The following IDI1 variants were observed in gnomAD, a reference collection of about 807,000 sequenced individuals.
IDI1 encodes the protein isopentenyl-diphosphate Delta-isomerase 1.
A neutral mutation model predicts 32.9 loss-of-function variants in IDI1; 23 were observed. That is an observed-to-expected ratio of 0.70 (90% confidence interval 0.50 to 0.99). IDI1 has a LOEUF of 0.99. Among genes scored for constraint, IDI1 ranks in the 50% least tolerant of loss-of-function variants. IDI1 has a pLI of 0.00. For missense variants in IDI1, 326 were observed against 351.9 expected (o/e 0.93, Z 0.59); for synonymous variants, 133 against 128.2 (o/e 1.04, Z -0.25).
At chr10:1,043,885 C>G in intron 2 of IDI1, 114 bp downstream of exon 2, 1 of 879,378 alleles carries the variant, frequency 1.1e-6, no homozygotes. Context: ...CTGGAACCAA[C>G]GAGAAAATAC....
chr10:1,048,403 G>T, intron 1 of IDI1: 1 of 1,302,380 alleles, frequency 7.7e-7, no homozygotes, highest in Non-Finnish European at 1.0e-6. Context: ...TTGCACGGAC[G>T]CAGGTGTATG....
chr10:1,054,812 A>G, the IDI1 span, among the ~76,000 whole-genome samples: 1 of 152,226 alleles, frequency 6.6e-6, no homozygotes, highest in African/African-American at 2.4e-5. Flanking sequence ...TGTGGATATG[A>G]TTAGTTAACA....
intron 4 of IDI1, 91 bp downstream of exon 4, chr10:1,042,541 G>T: frequency 2.4e-6 from 3 of 1,253,086 alleles, no homozygotes; most frequent in Non-Finnish European, 3.5e-6. Context: ...ACCAAGCAGA[G>T]AACTACATTT....
In IDI1 at chr10:1,048,937, C is replaced by T; in HGVS notation, c.67G>A (p.Val23Met). The T allele has an allele frequency of 1.3e-6, 2 of 1,588,914 alleles. No homozygotes were observed. Among genetic ancestry groups the T allele is most frequent in the Non-Finnish European group, 1.7e-6 (2 of 1,170,686 alleles). Residue 23 changes from valine to methionine, a missense_variant, in exon 1 of 5, where the codon GTG becomes ATG. Transcript: ENST00000381344. ...CAARGRGQWA[V>M]RAADCAQSGR... is the part of the protein sequence containing the mutation. ...CTTTGAGCACAGTCTGCGGCGCGCACCGCCCACTGGCCCCGCCCCCGGGCC... is the reference window on the plus strand; with the variant it reads ...CTTTGAGCACAGTCTGCGGCGCGCATCGCCCACTGGCCCCGCCCCCGGGCC...
At chr10:1,056,154 A>G in the IDI1 span, among the ~76,000 whole-genome samples, 4 of 149,158 alleles carry the variant, frequency 2.7e-5, no homozygotes, top group African/African-American at 4.9e-5. Flanking sequence ...ACCTACACAG[A>G]AAAAAAAAAT....
the IDI1 span, among the ~76,000 whole-genome samples, chr10:1,056,235 A>C: frequency 6.6e-6 from 1 of 152,228 alleles, no homozygotes; most frequent in Non-Finnish European, 1.5e-5. Flanking sequence ...GAGCGTTGAG[A>C]CGGCTGTTTA....
chr10:1,042,634 C>T lies in IDI1; in HGVS notation c.535G>A (p.Glu179Lys). ...LKAELGIPLE[E>K]VPPEEINYLT... ...GGTTGTGTAGGAGAGCTGGTTACCT[C>T]TTCCAAGGGAATTCCTAGCTCAGCT... The change falls in exon 4 of 5, where the codon GAG (glutamate) becomes AAG (lysine). Residue 179 changes from glutamate to lysine, a missense_variant and splice_region_variant. Coordinates refer to ENST00000381344, the MANE Select transcript of IDI1 (RefSeq NM_004508.4). 1 of 1,613,898 alleles carries T rather than the reference C, an allele frequency of 6.2e-7. No homozygotes were observed. The highest frequency in any genetic ancestry group is 8.5e-7 in the Non-Finnish European group (1 of 1,179,904).
At position 1,041,179 on chromosome 10, in the gene IDI1, CTACA is replaced by C. The variant is rs1832567619; in HGVS notation, c.*4_*7del. 1 of 1,500,336 alleles carries C rather than the reference CTACA, an allele frequency of 6.7e-7. No individual in the cohort carries two copies. Among genetic ancestry groups the C allele is most frequent in the Admixed American group, 1.9e-5 (1 of 53,552 alleles). 92.9% of individuals were successfully genotyped at this position (1,500,336 alleles called of 1,614,324 possible). A position where few individuals can be genotyped will look rare whatever the true frequency, so the allele number is the denominator to read the frequency against. On this transcript the variant is annotated 3_prime_UTR_variant, in exon 5 of 5. Transcript: ENST00000381344. ...GATAAATTTTTCTGTAATCATTTAC[CTACA>C]TATTCACATTCTGTATATTTTCTCA...
chr10:1,041,439 C>T lies in IDI1; in HGVS notation c.603G>A (p.Trp201Ter). The T allele has an allele frequency of 6.2e-7, 1 of 1,610,456 alleles. No homozygotes were observed. The highest frequency in any genetic ancestry group is 8.5e-7 in the Non-Finnish European group (1 of 1,177,116). ...IHYKAQSDGI[W>*]GEHEIDYILL... ...AAATGTAATCAATTTCATGTTCACCCCAGATACCATCAGACTGAGCTTTGT... is the reference window on the plus strand; with the variant it reads ...AAATGTAATCAATTTCATGTTCACCTCAGATACCATCAGACTGAGCTTTGT... Residue 201 changes from tryptophan (W) to a stop codon, truncating the protein, a stop_gained, in exon 5 of 5, where the codon TGG (tryptophan) becomes TGA (stop). Coordinates refer to ENST00000381344, the MANE Select transcript of IDI1 (RefSeq NM_004508.4). LOFTEE classifies it high-confidence loss of function.
At chr10:1,054,311 CAT>C in the IDI1 span, among the ~76,000 whole-genome samples, 259 of 152,228 alleles carry the variant, frequency 1.7e-3, 2 homozygotes, top group African/African-American at 5.0e-3. Flanking sequence ...TATATACACA[CAT>C]ATATATAACT....
rs1832904552 is a variant in IDI1 at position 1,049,092 on chromosome 10, G to C, written c.-89C>G. 7.1e-7 allele frequency: 1 copy of C among 1,408,264 alleles called. No individual in the cohort carries two copies. Among genetic ancestry groups the C allele is most frequent in the Non-Finnish European group, 9.2e-7 (1 of 1,088,718 alleles). The allele number at this position is 1,408,264 out of a possible 1,614,324, so 87.2% of individuals were successfully genotyped here. The stretch of plus-strand genomic sequence containing the variant: ...TGCCACCTCCCTGGCCTGTGACAAC[G>C]GCAGACGCGCGAAGCACCGGGAACC... On this transcript the variant is annotated 5_prime_UTR_variant, in exon 1 of 5. Transcript: ENST00000381344.
intron 1 of IDI1, among the ~76,000 whole-genome samples, chr10:1,044,714 A>T (rs1832747243): frequency 6.6e-6 from 1 of 152,198 alleles, no homozygotes; most frequent in Admixed American, 6.5e-5. Context: ...GACTTAATCC[A>T]GTTTTTCTCA....
intron 1 of IDI1, among the ~76,000 whole-genome samples, chr10:1,046,198 G>A (rs10903356): frequency 0.99 from 151,152 of 152,332 alleles, 74,997 homozygotes; most frequent in Middle Eastern, 1. Context: ...TATCCACTGT[G>A]TACATACATG....
Position 1,048,847 on chromosome 10 carries a change from C to A in IDI1, c.140+17G>T, listed in dbSNP as rs1318889584. ...CCCTGCCCCTGTCTCCCGAACTCCG[C>A]CGCCCGTCCACAGTACCTGATCAGC... is the stretch of plus-strand genomic sequence containing the variant. On this transcript the variant is annotated intron_variant, in intron 1 of 4. Transcript: ENST00000381344. 1.9e-6 allele frequency: 3 copies of A among 1,603,550 alleles called. No homozygotes were observed. Among genetic ancestry groups the A allele is most frequent in the Non-Finnish European group, 2.6e-6 (3 of 1,176,448 alleles).
chr10:1,054,919 C>T, the IDI1 span, among the ~76,000 whole-genome samples: 1 of 152,218 alleles, frequency 6.6e-6, no homozygotes, highest in Non-Finnish European at 1.5e-5. Flanking sequence ...ACATGGAAAA[C>T]GTCATGTGAA....
Position 1,044,347 on chromosome 10 carries a change from C to T in IDI1, c.141-176G>A, listed in dbSNP as rs916439401. On this transcript the variant is annotated intron_variant, in intron 1 of 4. Transcript: ENST00000381344. Reference sequence around the variant, plus strand: ...CAGCACTATCTGGGTCATCATTTCTCCTACAGGTTTCACAGCTGGCCTTTT... The same window carrying T: ...CAGCACTATCTGGGTCATCATTTCTTCTACAGGTTTCACAGCTGGCCTTTT... 1.7e-5 allele frequency: 9 copies of T among 534,134 alleles called. No individual in the cohort carries two copies. In the South Asian group the frequency reaches 2.3e-4, roughly 13 times the overall value. 33.1% of individuals were successfully genotyped at this position (534,134 alleles called of 1,614,324 possible).
rs1265317326 is a variant in IDI1, at chr10:1,041,616, G to A, written c.538-112C>T. On this transcript the variant is annotated intron_variant, in intron 4 of 4. Transcript: ENST00000381344. ...ATCTCGAACAGCAGTATAGTTTTAG[G>A]ATTAGAACTTGGTTAAAGCATTAAT... The A allele has an allele frequency of 1.1e-5, 6 of 538,720 alleles. No homozygotes were observed. In the Admixed American group the frequency reaches 1.7e-4, roughly 15 times the overall value. 33.4% of individuals were successfully genotyped at this position (538,720 alleles called of 1,614,324 possible).
At chr10:1,048,748 T>C in intron 1 of IDI1, 116 bp downstream of exon 1, 3 of 1,483,670 alleles carry the variant, frequency 2.0e-6, no homozygotes, top group Non-Finnish European at 2.7e-6. Context: ...TGTCCAGGCC[T>C]CCGCGCCGAG....
chr10:1,053,216 G>T (rs1450723088), upstream of IDI1, among the ~76,000 whole-genome samples: 1 of 152,190 alleles, frequency 6.6e-6, no homozygotes, highest in African/African-American at 2.4e-5. Context: ...TGGCCAGGCT[G>T]GTCTTGAACT....
Sources: allele counts gnomAD v4.1 joint callset (sites outside exome capture counted in the v4.1 genomes callset), GRCh38; gene constraint gnomAD v4.1.1; transcripts MANE v1.5; gene names NCBI Gene and HGNC (gene_info 2026-07-23, HGNC 2026-07-21).